The following ACBD5 variants were observed in gnomAD, a reference collection of about 807,000 sequenced individuals.
ACBD5 encodes acyl-CoA-binding domain-containing protein 5.
ACBD5 carries 40 observed loss-of-function variants against 71.8 expected under a neutral mutation model. That is an observed-to-expected ratio of 0.56 (90% CI 0.43 to 0.72). The LOEUF is 0.72. Among genes scored for constraint, ACBD5 ranks in the 30% least tolerant of loss-of-function variants. ACBD5 has a pLI of 0.00. For synonymous variants in ACBD5, 229 were observed against 218.6 expected, an observed-to-expected ratio of 1.05 and a Z score of -0.42; for missense variants, 559 against 644.5, an observed-to-expected ratio of 0.87 and a Z score of 1.44.
intron 12 of ACBD5, among the ~76,000 whole-genome samples, chr10:27,203,258 T>C (rs1258420520): frequency 6.6e-6 from 1 of 152,076 alleles, no homozygotes; most frequent in Admixed American, 6.6e-5. Flanking sequence ...AGTCCCGGGA[T>C]TATAGACATG....
At chr10:27,200,569 C>G (rs567144687) in intron 12 of ACBD5, among the ~76,000 whole-genome samples, 1 of 151,676 alleles carries the variant, frequency 6.6e-6, no homozygotes, top group Non-Finnish European at 1.5e-5. Context: ...CTCAACCTCC[C>G]GAGTAGCTGG....
intron 7 of ACBD5, among the ~76,000 whole-genome samples, chr10:27,216,371 C>A (rs1376697040): frequency 6.6e-6 from 1 of 152,164 alleles, no homozygotes; most frequent in Non-Finnish European, 1.5e-5. Flanking sequence ...GAACTTCTGA[C>A]CTCAGGTGAT....
downstream of ACBD5, among the ~76,000 whole-genome samples, chr10:27,194,462 A>C (rs1008710441): frequency 4.1e-5 from 6 of 147,874 alleles, no homozygotes; most frequent in Non-Finnish European, 7.5e-5. Context: ...CGTACAAAAA[A>C]TTAGCCAGGT....
chr10:27,210,583 C>A (rs1350254787), intron 9 of ACBD5, among the ~76,000 whole-genome samples: 1 of 152,084 alleles, frequency 6.6e-6, no homozygotes, highest in African/African-American at 2.4e-5. Context: ...CATGGTAAAA[C>A]CCCATCTCTA....
Position 27,195,609 on chromosome 10 carries a change from C to A in ACBD5, c.*1821G>T, listed in dbSNP as rs138637886. On this transcript the variant is annotated 3_prime_UTR_variant, in exon 13 of 13. Coordinates refer to ENST00000396271, the MANE Select transcript of ACBD5 (RefSeq NM_145698.5). The stretch of plus-strand genomic sequence containing the variant: ...TCCACAGGTCTAAATGTTATTTTTA[C>A]ATATAAATTCAGTTGCTTGCTTCAC... 1 of 424,194 alleles carries A rather than the reference C, an allele frequency of 2.4e-6. No homozygotes were observed. Among genetic ancestry groups the A allele is most frequent in the South Asian group, 1.7e-5 (1 of 58,020 alleles). 26.3% of individuals were successfully genotyped at this position (424,194 alleles called of 1,614,324 possible). A position where few individuals can be genotyped will look rare whatever the true frequency, so the allele number is the denominator to read the frequency against.
intron 3 of ACBD5, among the ~76,000 whole-genome samples, chr10:27,233,925 T>G (rs1328399463): frequency 6.6e-6 from 1 of 152,086 alleles, no homozygotes; most frequent in Non-Finnish European, 1.5e-5. Context: ...ATGCCTGTAA[T>G]CCTAGCTACT....
At chr10:27,183,469 G>C (rs1015285948) in intron 13 of ACBD5, among the ~76,000 whole-genome samples, 8 of 152,040 alleles carry the variant, frequency 5.3e-5, no homozygotes, top group African/African-American at 1.7e-4. Context: ...TTTTTTAGTA[G>C]AGATGGGGTT....
chr10:27,203,653 C>T (rs181325957), intron 12 of ACBD5, among the ~76,000 whole-genome samples: 2,552 of 152,182 alleles, frequency 0.017, 150 homozygotes, highest in South Asian at 0.16. Flanking sequence ...GCAGGAGAAT[C>T]GCTTGAACCT....
intron 4 of ACBD5, among the ~76,000 whole-genome samples, chr10:27,225,048 G>T (rs2062834784): frequency 1.3e-5 from 2 of 149,400 alleles, no homozygotes; most frequent in Admixed American, 6.7e-5. Context: ...AAAGATACCA[G>T]AACTGGCTCC....
At chr10:27,185,888 G>A (rs113762082) in intron 13 of ACBD5, among the ~76,000 whole-genome samples, 11,366 of 151,804 alleles carry the variant, frequency 0.075, 474 homozygotes, top group South Asian at 0.16. Flanking sequence ...TCAGGAGTTC[G>A]AGACCAACCT....
Position 27,217,976 on chromosome 10 carries a change from A to T in ACBD5, c.829+4T>A. The T allele has an allele frequency of 6.2e-7, 1 of 1,613,882 alleles. No individual in the cohort carries two copies. The highest frequency in any genetic ancestry group is 1.7e-4 in the Middle Eastern group (1 of 6,058). ...CTGGACACAGAATTATTTGGGGACA[A>T]TACCTTGGTGAATGCAAACAGCAGA... On this transcript the variant is annotated splice_donor_region_variant and intron_variant, in intron 7 of 12. Coordinates refer to ENST00000396271, the MANE Select transcript of ACBD5 (RefSeq NM_145698.5).
intron 5 of ACBD5, chr10:27,220,447 A>G (rs916400162): frequency 6.5e-6 from 1 of 152,682 alleles, no homozygotes; most frequent in African/African-American, 2.4e-5. Flanking sequence ...TTTAATGTGC[A>G]TACAAATCTT....
chr10:27,233,992 T>C (rs2064279387), intron 3 of ACBD5, among the ~76,000 whole-genome samples: 1 of 151,910 alleles, frequency 6.6e-6, no homozygotes, highest in Non-Finnish European at 1.5e-5. Context: ...TGCGGTGAGC[T>C]GAGGTCACGC....
At chr10:27,231,875 A>C in intron 3 of ACBD5, 55 bp from the exon 4 acceptor site, 1 of 1,506,870 alleles carries the variant, frequency 6.6e-7, no homozygotes, top group East Asian at 2.3e-5. Context: ...TTAATTGCTC[A>C]GAATACAATT....
At position 27,223,376 on chromosome 10, in the gene ACBD5, T is replaced by G. The variant is rs1360607509; in HGVS notation, c.452A>C (p.Glu151Ala). The G allele has an allele frequency of 1.9e-6, 3 of 1,613,868 alleles. No homozygotes were observed. The highest frequency in any genetic ancestry group is 2.5e-6 in the Non-Finnish European group (3 of 1,180,014). Residue 151 changes from glutamate (E) to alanine (A), a missense_variant, in exon 5 of 13, where the codon GAG (glutamate) becomes GCG (alanine). Transcript: ENST00000396271. Reference protein sequence around the residue: ...RVIGPFYEIVEDKKSGRSSDI... With the variant: ...RVIGPFYEIVADKKSGRSSDI... ...AGAACTCCTGCCACTCTTTTTGTCC[T>G]CGACAATTTCATAAAATGGACCTAT...
At chr10:27,238,751 ATT>A (rs1311192174) in intron 2 of ACBD5, among the ~76,000 whole-genome samples, 1 of 151,860 alleles carries the variant, frequency 6.6e-6, no homozygotes, top group African/African-American at 2.4e-5. Context: ...TGTGTTGAAT[ATT>A]TGTTACCTAT....
Position 27,219,716 on chromosome 10 carries a change from ACATTAC to A in ACBD5, c.625+1_625+6del. On this transcript the variant is annotated splice_donor_variant and splice_donor_5th_base_variant and intron_variant, in intron 6 of 12. Transcript: ENST00000396271. LOFTEE classifies it high-confidence loss of function. ...GCAAAATTACTAACTGATTTTCCAA[ACATTAC>A]CATTATCACTTTGTTCTGCTCCTTT... 6.2e-7 allele frequency: 1 copy of A among 1,613,686 alleles called. No individual in the cohort carries two copies. The highest frequency in any genetic ancestry group is 8.5e-7 in the Non-Finnish European group (1 of 1,179,756).
intron 13 of ACBD5, among the ~76,000 whole-genome samples, chr10:27,188,135 A>C (rs1412461703): frequency 6.6e-6 from 1 of 152,210 alleles, no homozygotes; most frequent in Non-Finnish European, 1.5e-5. Flanking sequence ...TGAAAGATAC[A>C]CCATTATAAT....
chr10:27,240,573 T>A lies in ACBD5; in HGVS notation c.16-89A>T. 6.4e-7 allele frequency: 1 copy of A among 1,551,196 alleles called. No individual in the cohort carries two copies. The highest frequency in any genetic ancestry group is 8.7e-7 in the Non-Finnish European group (1 of 1,146,898). On this transcript the variant is annotated intron_variant, in intron 1 of 12. Coordinates refer to ENST00000396271, the MANE Select transcript of ACBD5 (RefSeq NM_145698.5). The surrounding 1 kb of genome is among the most constrained non-coding windows in gnomAD (Gnocchi z 4.1). ...GGGTCAGTTCCCCTTTGCCCTGCCC[T>A]ATCCAGGCCACACAGATCGAAGCGG...
Sources: allele counts gnomAD v4.1 joint callset (sites outside exome capture counted in the v4.1 genomes callset), GRCh38; gene constraint gnomAD v4.1.1; non-coding constraint Gnocchi (gnomAD v3.1); transcripts MANE v1.5; gene names NCBI Gene and HGNC (gene_info 2026-07-23, HGNC 2026-07-21).